DOCK3: variants seen among roughly 807,000 people sequenced by gnomAD.
DOCK3 encodes dedicator of cytokinesis protein 3.
DOCK3 carries 60 observed loss-of-function variants against 265.6 expected under a neutral mutation model. The observed-to-expected ratio is 0.23, with a 90% CI of 0.18 to 0.28. The LOEUF is 0.28. DOCK3 is among the 10% of genes least tolerant of loss of function. DOCK3 has a pLI of 1.00. For synonymous variants in DOCK3, 881 were observed against 938.0 expected, an observed-to-expected ratio of 0.94 and a Z score of 1.11; for missense variants, 1,981 against 2,594.3, an observed-to-expected ratio of 0.76 and a Z score of 5.14.
At chr3:50,959,145 A>G (rs1670333298) in intron 5 of DOCK3, among the ~76,000 whole-genome samples, 1 of 152,200 alleles carries the variant, frequency 6.6e-6, no homozygotes, top group Admixed American at 6.5e-5. Context: ...ATCTAAATAC[A>G]GTAATATACT....
At chr3:51,306,706 A>G (rs768806614) in intron 27 of DOCK3, among the ~76,000 whole-genome samples, 11 of 152,140 alleles carry the variant, frequency 7.2e-5, no homozygotes, top group Non-Finnish European at 1.3e-4. Flanking sequence ...TGAATTTTTC[A>G]TTTCAGTTAT....
At position 50,996,168 on chromosome 3, in the gene DOCK3, C is replaced by G. The variant is rs569576189; in HGVS notation, c.315+62091C>G. ...TGATTACAGGCATGAGCCACTGCATCTGGCCGTATTGTTGATCTCTTATTT... is the reference window on the plus strand; with the variant it reads ...TGATTACAGGCATGAGCCACTGCATGTGGCCGTATTGTTGATCTCTTATTT... On this transcript the variant is annotated intron_variant, in intron 5 of 52. Coordinates refer to ENST00000266037, the MANE Select transcript of DOCK3 (RefSeq NM_004947.5). Among the ~76,000 whole-genome samples the G allele has an allele frequency of 2.0e-5, 3 of 151,958 alleles. No homozygotes were observed. In the East Asian group the frequency reaches 5.8e-4, roughly 30 times the overall value.
At chr3:51,272,443 ATT>A (rs11371306) in intron 24 of DOCK3, among the ~76,000 whole-genome samples, 15 of 132,664 alleles carry the variant, frequency 1.1e-4, no homozygotes, top group Admixed American at 5.2e-4. Context: ...TGCCTGGCTA[ATT>A]TTTTTTTTTT....
At chr3:51,194,477 A>G (rs922020878) in intron 12 of DOCK3, among the ~76,000 whole-genome samples, 1 of 152,164 alleles carries the variant, frequency 6.6e-6, no homozygotes. Context: ...TGTCTAGATT[A>G]TCTGTGTAAT....
At chr3:51,351,029 T>C (rs1471119517) in intron 40 of DOCK3, among the ~76,000 whole-genome samples, 1 of 152,128 alleles carries the variant, frequency 6.6e-6, no homozygotes, top group Non-Finnish European at 1.5e-5. Context: ...AACTGGAATA[T>C]AAAAAGAGTG....
At chr3:50,788,775 T>TGGGCAGAGC (rs1259569760) in intron 2 of DOCK3, among the ~76,000 whole-genome samples, 1 of 55,110 alleles carries the variant, frequency 1.8e-5, no homozygotes, top group Non-Finnish European at 3.4e-5. Flanking sequence ...GGTGGCAGGG[T>TGGGCAGAGC]GGGCAGAGCG....
chr3:51,132,511 C>A (rs1033357395), intron 9 of DOCK3, among the ~76,000 whole-genome samples: 4 of 152,140 alleles, frequency 2.6e-5, no homozygotes, highest in African/African-American at 9.7e-5. Context: ...TCACTCAGGG[C>A]AGTCATAGCA....
intron 46 of DOCK3, among the ~76,000 whole-genome samples, chr3:51,358,924 T>C (rs1366666189): frequency 6.6e-6 from 1 of 152,204 alleles, no homozygotes; most frequent in East Asian, 1.9e-4. Flanking sequence ...TGACTCCAAA[T>C]GTTTTCTAAA....
chr3:51,261,751 G>A (rs1344547125), intron 23 of DOCK3, among the ~76,000 whole-genome samples: 1 of 152,142 alleles, frequency 6.6e-6, no homozygotes, highest in Non-Finnish European at 1.5e-5. Flanking sequence ...CATTACAGAG[G>A]CTTGAGTAGG....
intron 5 of DOCK3, among the ~76,000 whole-genome samples, chr3:50,996,615 C>A (rs1433911822): frequency 1.3e-5 from 2 of 152,074 alleles, no homozygotes; most frequent in Non-Finnish European, 2.9e-5. Flanking sequence ...CTTTCAATTT[C>A]TTTCTCTCTA....
chr3:51,367,877 C>A (rs1349229596), intron 49 of DOCK3, among the ~76,000 whole-genome samples: 1 of 152,220 alleles, frequency 6.6e-6, no homozygotes, highest in Admixed American at 6.5e-5. Context: ...GTCTGATGGG[C>A]TTCCCTTTGT....
At position 51,381,028 on chromosome 3, in the gene DOCK3, A is replaced by T; in HGVS notation, c.5584-22A>T. Reference sequence around the variant, plus strand: ...CCTGTCTGGAGAGAGGGATTCTAACATGCCCACCCTTTCCTTCGCAGTCTC... The same window carrying T: ...CCTGTCTGGAGAGAGGGATTCTAACTTGCCCACCCTTTCCTTCGCAGTCTC... On this transcript the variant is annotated intron_variant, in intron 52 of 52. Coordinates refer to ENST00000266037, the MANE Select transcript of DOCK3 (RefSeq NM_004947.5). This position sits in a 1 kb window ranked among gnomAD's most constrained non-coding sequence, Gnocchi z 5.6. 1 of 1,560,404 alleles carries T rather than the reference A, an allele frequency of 6.4e-7. No homozygotes were observed. The highest frequency in any genetic ancestry group is 8.7e-7 in the Non-Finnish European group (1 of 1,151,706).
At chr3:50,733,652 G>A (rs1470068216) in intron 1 of DOCK3, among the ~76,000 whole-genome samples, 1 of 152,090 alleles carries the variant, frequency 6.6e-6, no homozygotes, top group Admixed American at 6.6e-5. Flanking sequence ...ACATATAGTT[G>A]GATCATGCTT....
At chr3:50,930,626 A>G (rs1178501255) in intron 4 of DOCK3, among the ~76,000 whole-genome samples, 2 of 152,298 alleles carry the variant, frequency 1.3e-5, no homozygotes, top group East Asian at 3.9e-4. Context: ...TCCAGTGCTC[A>G]GGGGCAGCGC....
intron 36 of DOCK3, 24 bp from the exon 37 acceptor site, chr3:51,338,911 G>T: frequency 6.4e-7 from 1 of 1,566,358 alleles, no homozygotes; most frequent in East Asian, 2.3e-5. Flanking sequence ...GTAGTTGACA[G>T]GTGTTTCCTT....
At chr3:51,255,506 A>G (rs532888374) in intron 22 of DOCK3, among the ~76,000 whole-genome samples, 53 of 152,346 alleles carry the variant, frequency 3.5e-4, no homozygotes, top group Non-Finnish European at 7.3e-5. Flanking sequence ...AGGTACACCA[A>G]TCAAATGTAG....
At chr3:51,348,077 A>G (rs1023253458) in intron 38 of DOCK3, among the ~76,000 whole-genome samples, 2 of 152,216 alleles carry the variant, frequency 1.3e-5, no homozygotes, top group Non-Finnish European at 2.9e-5. Flanking sequence ...CAATCATGTC[A>G]TCTGCAAACA....
chr3:51,062,857 T>A (rs1213188377), intron 5 of DOCK3, among the ~76,000 whole-genome samples: 1 of 152,248 alleles, frequency 6.6e-6, no homozygotes, highest in East Asian at 1.9e-4. Flanking sequence ...TCACATTGCC[T>A]TTATGGCTTA....
At chr3:51,068,014 G>A (rs2081667990) in intron 6 of DOCK3, among the ~76,000 whole-genome samples, 1 of 152,088 alleles carries the variant, frequency 6.6e-6, no homozygotes, top group Non-Finnish European at 1.5e-5. Context: ...GCACATGTTA[G>A]CATGTGAATC....
Sources: allele counts gnomAD v4.1 joint callset (sites outside exome capture counted in the v4.1 genomes callset), GRCh38; gene constraint gnomAD v4.1.1; non-coding constraint Gnocchi (gnomAD v3.1); transcripts MANE v1.5; gene names NCBI Gene and HGNC (gene_info 2026-07-23, HGNC 2026-07-21).